Variants in ACTN1 observed in about 807,000 individuals in gnomAD.
ACTN1 encodes the protein alpha-actinin-1.
Under a neutral mutation model 119.6 loss-of-function variants are expected in ACTN1, and 30 were observed. The observed-to-expected ratio is 0.25, with a 90% CI of 0.19 to 0.34. The LOEUF (loss-of-function observed/expected upper bound fraction) is 0.34, where lower values mean the gene tolerates loss of function less well. Among genes scored for constraint, ACTN1 ranks in the 10% least tolerant of loss-of-function variants. The pLI is 1.00. For missense variants in ACTN1, 764 were observed against 1,223.4 expected (o/e 0.62, Z 5.60); for synonymous variants, 429 against 472.6 (o/e 0.91, Z 1.20).
intron 1 of ACTN1, among the ~76,000 whole-genome samples, chr14:68,961,094 G>A (rs2036522281): frequency 6.6e-6 from 1 of 152,052 alleles, no homozygotes; most frequent in Admixed American, 6.6e-5. Flanking sequence ...AAAAAACCCT[G>A]TTATACACGA....
chr14:68,879,269 C>T lies in ACTN1; in HGVS notation c.2281-200G>A, dbSNP rs2031263325. 1.3e-5 allele frequency among the ~76,000 whole-genome samples: 2 copies of T among 151,984 alleles called. No individual in the cohort carries two copies. Among genetic ancestry groups the T allele is most frequent in the South Asian group, 2.1e-4 (1 of 4,832 alleles). ...CCAACGAGGCTCCAGGGGGTGCCCT[C>T]CCCCCAGCACACGCAGCCCTGCTCC... On this transcript the variant is annotated intron_variant, in intron 18 of 21. Coordinates refer to ENST00000394419, the MANE Select transcript of ACTN1 (RefSeq NM_001130004.2). The surrounding 1 kb of genome is among the most constrained non-coding windows in gnomAD (Gnocchi z 4.9).
At chr14:68,947,659 A>C (rs2035986398) in intron 1 of ACTN1, 1 of 152,300 alleles carries the variant, frequency 6.6e-6, no homozygotes. Flanking sequence ...CCCTCCCCCA[A>C]GCCTGGACAG....
rs1300327986 is a variant in ACTN1, at chr14:68,878,855, G to T, written c.2361+134C>A. On this transcript the variant is annotated intron_variant, in intron 19 of 21. Transcript: ENST00000394419. The surrounding 1 kb of genome is among the most constrained non-coding windows in gnomAD (Gnocchi z 4.4). ...ACCAGTGATGGGGCAGACAGAGACA[G>T]CAGGAGAGGACGAGCCCCATGGCCC... The T allele has an allele frequency of 3.3e-5, 53 of 1,596,132 alleles. No homozygotes were observed. Among genetic ancestry groups the T allele is most frequent in the Non-Finnish European group, 4.1e-5 (48 of 1,178,076 alleles).
intron 1 of ACTN1, chr14:68,974,120 G>A (rs2036985964): frequency 6.5e-6 from 1 of 152,824 alleles, no homozygotes; most frequent in African/African-American, 2.4e-5. Flanking sequence ...AACCACAGGT[G>A]GGTTACACAT....
At chr14:68,920,861 C>T (rs2034605901) in intron 3 of ACTN1, 145 bp downstream of exon 3, 5 of 1,152,776 alleles carry the variant, frequency 4.3e-6, no homozygotes, top group Non-Finnish European at 6.2e-6. Context: ...AAAGCCTCCA[C>T]AGGCGACCAG....
chr14:68,925,011 G>A lies in ACTN1; in HGVS notation c.220+547C>T, dbSNP rs148630566. Among the ~76,000 whole-genome samples, 37 of 152,262 alleles carry A rather than the reference G, an allele frequency of 2.4e-4. No homozygotes were observed. The highest frequency in any genetic ancestry group is 8.4e-4 in the African/African-American group (35 of 41,538). ...GCTGGGATTAGGTCTAAGGCTCACC[G>A]GCATCAAGGTGAAGAGAGTAGCTAA... On this transcript the variant is annotated intron_variant, in intron 2 of 21. Coordinates refer to ENST00000394419, the MANE Select transcript of ACTN1 (RefSeq NM_001130004.2). This position sits in a 1 kb window ranked among gnomAD's most constrained non-coding sequence, Gnocchi z 4.3.
At chr14:68,924,277 A>T (rs2034802002) in intron 2 of ACTN1, among the ~76,000 whole-genome samples, 1 of 152,192 alleles carries the variant, frequency 6.6e-6, no homozygotes, top group Non-Finnish European at 1.5e-5. Flanking sequence ...ATTTTCTGTT[A>T]TATATTATTT....
chr14:68,875,040 A>G (rs766220501), intron 21 of ACTN1, 23 bp from the exon 22 acceptor site: 6 of 1,610,528 alleles, frequency 3.7e-6, no homozygotes, highest in Middle Eastern at 1.7e-4. Context: ...AGTGGTCAGG[A>G]AGGCCGCAAA....
chr14:68,941,633 G>T (rs1594851339), intron 1 of ACTN1, among the ~76,000 whole-genome samples: 1 of 151,786 alleles, frequency 6.6e-6, no homozygotes, highest in Admixed American at 6.6e-5. Context: ...TATGCAAAAA[G>T]CCCAGCACAC....
At chr14:68,924,204 CAACA>C (rs2034797530) in intron 2 of ACTN1, among the ~76,000 whole-genome samples, 1 of 152,246 alleles carries the variant, frequency 6.6e-6, no homozygotes, top group African/African-American at 2.4e-5. Context: ...GATGGCTGCA[CAACA>C]GTCAGTGCAT....
At chr14:68,875,510 T>C (rs2030796009) in intron 21 of ACTN1, among the ~76,000 whole-genome samples, 1 of 152,248 alleles carries the variant, frequency 6.6e-6, no homozygotes, top group African/African-American at 2.4e-5. Flanking sequence ...GGCCAGGCTA[T>C]GTTAAGCAGC....
chr14:68,889,713 A>G (rs1345466703), intron 11 of ACTN1, among the ~76,000 whole-genome samples: 1 of 152,146 alleles, frequency 6.6e-6, no homozygotes, highest in East Asian at 1.9e-4. Flanking sequence ...GAACCCACGA[A>G]GTGGAGGTTG....
chr14:68,924,662 A>G (rs74494843), intron 2 of ACTN1, among the ~76,000 whole-genome samples: 1,902 of 152,334 alleles, frequency 0.012, 34 homozygotes, highest in African/African-American at 0.043. Context: ...ACTGCCAGGA[A>G]GAGCTGGGGT....
chr14:68,896,290 A>C (rs1233620976), intron 8 of ACTN1, among the ~76,000 whole-genome samples: 1 of 152,064 alleles, frequency 6.6e-6, no homozygotes, highest in Non-Finnish European at 1.5e-5. Context: ...AGGATGCACC[A>C]CAGAGAAGCC....
chr14:68,901,636 T>A (rs61985082), intron 8 of ACTN1, among the ~76,000 whole-genome samples: 1 of 152,114 alleles, frequency 6.6e-6, no homozygotes, highest in East Asian at 1.9e-4. Context: ...CATGGTGATG[T>A]TGTGCTTCTT....
Position 68,877,260 on chromosome 14 carries a change from C to T in ACTN1, c.2428-20G>A. The T allele has an allele frequency of 6.2e-7, 1 of 1,613,662 alleles. No homozygotes were observed. On this transcript the variant is annotated intron_variant, in intron 20 of 21. Coordinates refer to ENST00000394419, the MANE Select transcript of ACTN1 (RefSeq NM_001130004.2). Reference sequence around the variant, plus strand: ...TTCTCCCTGGAGGGAACAGCCAAACCCAGGCCTGTCAGCCCATGGCCTGCT... The same window carrying T: ...TTCTCCCTGGAGGGAACAGCCAAACTCAGGCCTGTCAGCCCATGGCCTGCT...
chr14:68,959,919 T>A (rs1017601284), intron 1 of ACTN1, among the ~76,000 whole-genome samples: 2 of 152,242 alleles, frequency 1.3e-5, no homozygotes, highest in Non-Finnish European at 2.9e-5. Flanking sequence ...CTATAAGCCT[T>A]ACCTATAACA....
intron 1 of ACTN1, among the ~76,000 whole-genome samples, chr14:68,954,622 G>A (rs1010638154): frequency 1.3e-5 from 2 of 152,108 alleles, no homozygotes; most frequent in African/African-American, 4.8e-5. Context: ...CACCACACCC[G>A]GCCCATACAG....
chr14:68,928,749 C>T (rs146777899), intron 1 of ACTN1, among the ~76,000 whole-genome samples: 44 of 152,296 alleles, frequency 2.9e-4, no homozygotes, highest in Non-Finnish European at 5.0e-4. Flanking sequence ...AAAATGATCC[C>T]GGGACCAGGT....
Sources: gnomAD v4.1 joint callset for allele counts (sites outside exome capture counted in the v4.1 genomes callset) on GRCh38, gnomAD v4.1.1 for gene constraint, Gnocchi (gnomAD v3.1) non-coding constraint, MANE v1.5 for transcripts, NCBI Gene and HGNC (gene_info 2026-07-23, HGNC 2026-07-21) for gene names.